Variants in EXOC6B observed in about 807,000 individuals in gnomAD.
EXOC6B encodes the protein exocyst complex component 6B.
EXOC6B carries 54 observed loss-of-function variants against 113.5 expected under a neutral mutation model. That is an observed-to-expected ratio of 0.48 (90% CI 0.38 to 0.60). The LOEUF (loss-of-function observed/expected upper bound fraction) is 0.60. Ranked by LOEUF, EXOC6B falls within the 20% of genes least tolerant of loss-of-function variation. EXOC6B has a pLI of 0.00. For missense variants in EXOC6B, 797 were observed against 977.5 expected (o/e 0.82, Z 2.46); for synonymous variants, 357 against 339.0 (o/e 1.05, Z -0.58).
intron 6 of EXOC6B, among the ~76,000 whole-genome samples, chr2:72,602,209 T>A (rs1030253346): frequency 5.3e-5 from 8 of 152,180 alleles, no homozygotes; most frequent in African/African-American, 1.9e-4. Context: ...ACTTAAGAGA[T>A]GATCATAAGA....
At chr2:72,544,674 C>T (rs1296565169) in intron 8 of EXOC6B, among the ~76,000 whole-genome samples, 19 of 152,018 alleles carry the variant, frequency 1.2e-4, no homozygotes, top group Admixed American at 1.2e-3. Flanking sequence ...AGAGGGTGCC[C>T]TCTTTTATAT....
intron 18 of EXOC6B, chr2:72,462,083 G>A (rs1697720761): frequency 6.6e-6 from 1 of 151,992 alleles, no homozygotes; most frequent in Non-Finnish European, 1.5e-5. Flanking sequence ...ACTTTCTACA[G>A]AATGAAATAC....
intron 8 of EXOC6B, among the ~76,000 whole-genome samples, chr2:72,536,898 T>C (rs1050579828): frequency 6.6e-6 from 1 of 152,258 alleles, no homozygotes; most frequent in South Asian, 2.1e-4. Flanking sequence ...CTTTGCATTG[T>C]ATGAAGAACC....
At chr2:72,773,273 T>C (rs1015458283) in intron 1 of EXOC6B, among the ~76,000 whole-genome samples, 26 of 151,462 alleles carry the variant, frequency 1.7e-4, no homozygotes, top group Admixed American at 1.3e-3. Flanking sequence ...ACCACAAGCA[T>C]AAGCCACCAT....
intron 17 of EXOC6B, among the ~76,000 whole-genome samples, chr2:72,479,055 T>A (rs1199137071): frequency 2.6e-5 from 4 of 152,206 alleles, no homozygotes; most frequent in Non-Finnish European, 4.4e-5. Flanking sequence ...TCATACTCAT[T>A]CTCAGGGCCT....
intron 6 of EXOC6B, among the ~76,000 whole-genome samples, chr2:72,712,203 A>T (rs1433469084): frequency 6.6e-6 from 1 of 152,040 alleles, no homozygotes; most frequent in Non-Finnish European, 1.5e-5. Flanking sequence ...AAGGCAATAT[A>T]TCAATGTACA....
At chr2:72,194,562 GAAT>G (rs543967112) in intron 20 of EXOC6B, among the ~76,000 whole-genome samples, 2 of 125,894 alleles carry the variant, frequency 1.6e-5, no homozygotes, top group Non-Finnish European at 3.2e-5. Flanking sequence ...TTGCTTGGGT[GAAT>G]GATTTCTCTC....
intron 20 of EXOC6B, among the ~76,000 whole-genome samples, chr2:72,216,804 GA>G (rs1680562993): frequency 5.3e-5 from 8 of 152,222 alleles, no homozygotes; most frequent in Admixed American, 5.2e-4. Context: ...CACAGGAACA[GA>G]AAACCAAACA....
At chr2:72,224,460 T>A (rs938113399) in intron 20 of EXOC6B, among the ~76,000 whole-genome samples, 3 of 152,050 alleles carry the variant, frequency 2.0e-5, no homozygotes, top group Non-Finnish European at 4.4e-5. Context: ...GAAAAAAATT[T>A]AAAAATAAAA....
At chr2:72,484,256 C>G (rs763580993) in intron 16 of EXOC6B, among the ~76,000 whole-genome samples, 2 of 151,592 alleles carry the variant, frequency 1.3e-5, no homozygotes, top group Non-Finnish European at 2.9e-5. Context: ...TTGACCCGTA[C>G]TCTTAAAGAT....
At chr2:72,258,741 G>A (rs1011950307) in intron 20 of EXOC6B, among the ~76,000 whole-genome samples, 1 of 152,006 alleles carries the variant, frequency 6.6e-6, no homozygotes, top group East Asian at 1.9e-4. Context: ...GAAGGCCCAA[G>A]TACATACAAA....
intron 1 of EXOC6B, among the ~76,000 whole-genome samples, chr2:72,796,531 T>G (rs917523968): frequency 1.4e-4 from 21 of 151,932 alleles, no homozygotes; most frequent in African/African-American, 5.1e-4. Context: ...GACAATGTGC[T>G]CTTCAAGAAC....
chr2:72,799,395 C>T (rs775014321), intron 1 of EXOC6B, among the ~76,000 whole-genome samples: 4 of 151,880 alleles, frequency 2.6e-5, no homozygotes, highest in African/African-American at 4.8e-5. Flanking sequence ...CATAGCAAAA[C>T]CCCACCTCTA....
At position 72,444,753 on chromosome 2, in the gene EXOC6B, C is replaced by T. The variant is rs181954947; in HGVS notation, c.1980+20407G>A. 7.2e-5 allele frequency among the ~76,000 whole-genome samples: 11 copies of T among 152,298 alleles called. No individual in the cohort carries two copies. In the East Asian group the frequency reaches 2.1e-3, roughly 29 times the overall value. ...ATTCATGGCTGGAGTGGCTGGGATG[C>T]AGGGCACCAAGTCCTTAGACTTCAC... is the stretch of plus-strand genomic sequence containing the variant. On this transcript the variant is annotated intron_variant, in intron 18 of 21. Coordinates refer to ENST00000272427, the MANE Select transcript of EXOC6B (RefSeq NM_015189.3).
chr2:72,724,882 G>A (rs181715427), intron 5 of EXOC6B, among the ~76,000 whole-genome samples: 11 of 152,208 alleles, frequency 7.2e-5, no homozygotes, highest in Admixed American at 7.2e-4. Context: ...AAAGCACAGA[G>A]AGGGCTGAGG....
intron 19 of EXOC6B, among the ~76,000 whole-genome samples, chr2:72,356,179 C>T (rs1400126407): frequency 2.0e-5 from 3 of 152,122 alleles, no homozygotes; most frequent in African/African-American, 7.2e-5. Flanking sequence ...TACATTTCTA[C>T]TAGTATGTTC....
At chr2:72,517,938 C>T (rs1701297683) in intron 8 of EXOC6B, among the ~76,000 whole-genome samples, 1 of 152,096 alleles carries the variant, frequency 6.6e-6, no homozygotes, top group Non-Finnish European at 1.5e-5. Flanking sequence ...AAGACAAGAC[C>T]AATTTATCTA....
intron 20 of EXOC6B, among the ~76,000 whole-genome samples, chr2:72,332,917 G>A (rs1367566261): frequency 6.6e-6 from 1 of 152,134 alleles, no homozygotes; most frequent in Non-Finnish European, 1.5e-5. Context: ...AGCACAGGAT[G>A]TGGAGAGATC....
intron 18 of EXOC6B, among the ~76,000 whole-genome samples, chr2:72,442,476 C>G (rs1032003126): frequency 6.6e-6 from 1 of 152,010 alleles, no homozygotes; most frequent in African/African-American, 2.4e-5. Context: ...TTTCTAGATT[C>G]TATATCTAGA....
Sources: allele counts gnomAD v4.1 joint callset (sites outside exome capture counted in the v4.1 genomes callset), GRCh38; gene constraint gnomAD v4.1.1; transcripts MANE v1.5; gene names NCBI Gene and HGNC (gene_info 2026-07-23, HGNC 2026-07-21).